The following RNF43 variants were observed in gnomAD, a reference collection of about 807,000 sequenced individuals.
RNF43 encodes the protein ring finger protein 43, also known as E3 ubiquitin-protein ligase RNF43.
In RNF43, 37 loss-of-function variants were observed where a neutral mutation model predicts 78.4. The ratio of observed to expected loss-of-function variants is 0.47; its 90% CI spans 0.36 to 0.62. The LOEUF is 0.62. Ranked by LOEUF, RNF43 falls within the 20% of genes least tolerant of loss-of-function variation. The pLI is 0.00. For synonymous variants in RNF43, 347 were observed against 395.0 expected (o/e 0.88, Z 1.44); for missense variants, 774 against 1,007.9 (o/e 0.77, Z 3.14).
chr17:58,366,448 G>C (rs114830558), intron 3 of RNF43, among the ~76,000 whole-genome samples: 1 of 152,248 alleles, frequency 6.6e-6, no homozygotes, highest in Admixed American at 6.5e-5. Context: ...CATGCCCCCA[G>C]GGAGGGATTT....
At position 58,407,069 on chromosome 17, in the gene RNF43, A is replaced by ATTT. The variant is rs35270032; in HGVS notation, c.252+8254_252+8256dup. Among the ~76,000 whole-genome samples the ATTT allele has an allele frequency of 4.3e-3, 317 of 74,192 alleles. 30 individuals are homozygous for ATTT. The highest frequency in any genetic ancestry group is 0.011 in the Middle Eastern group (1 of 94). 48.7% of individuals were successfully genotyped at this position (74,192 alleles called of 152,430 possible). On this transcript the variant is annotated intron_variant, in intron 2 of 9. Transcript: ENST00000407977. ...CTCTGCTTTAGATTCAGAGACCAGA[A>ATTT]TTTTTTTTTTTTTTTTTTTTTTTTT... is the stretch of plus-strand genomic sequence containing the variant.
At position 58,358,053 on chromosome 17, in the gene RNF43, C is replaced by A. The variant is rs2143402227; in HGVS notation, c.1723G>T (p.Val575Phe). ...GGAATAGGAGGCCTGGACTGGGGGA[C>A]TCCGGTTTCTGGGCCAGGCTTCCTG... ...HGRKPGPETG[V>F]PQSRPPIPRT... Residue 575 changes from valine to phenylalanine, a missense_variant, in exon 9 of 10, where the codon GTC becomes TTC. By Grantham distance (50) the Val-to-Phe change is conservative. Coordinates refer to ENST00000407977, the MANE Select transcript of RNF43 (RefSeq NM_017763.6). This position sits in a 1 kb window ranked among gnomAD's most constrained non-coding sequence, Gnocchi z 6.2. 6.3e-7 allele frequency: 1 copy of A among 1,589,820 alleles called. No homozygotes were observed. The highest frequency in any genetic ancestry group is 8.6e-7 in the Non-Finnish European group (1 of 1,168,358).
intron 1 of RNF43, chr17:58,416,400 ATAAT>A (rs1162339739): frequency 6.6e-6 from 1 of 152,220 alleles, no homozygotes; most frequent in Admixed American, 6.5e-5. Flanking sequence ...TCCAACTTTC[ATAAT>A]TAGAGTATTT....
intron 2 of RNF43, among the ~76,000 whole-genome samples, chr17:58,383,673 A>G (rs559450115): frequency 6.6e-6 from 1 of 151,992 alleles, no homozygotes; most frequent in East Asian, 1.9e-4. Context: ...GCTGGAGTGC[A>G]ATGGCGTGAT....
At chr17:58,410,884 T>C (rs1475051770) in intron 2 of RNF43, among the ~76,000 whole-genome samples, 1 of 152,188 alleles carries the variant, frequency 6.6e-6, no homozygotes, top group Non-Finnish European at 1.5e-5. Context: ...CTTTCTACTC[T>C]GGAAATAAAT....
At chr17:58,370,072 T>TTTTG (rs1555633951) in intron 3 of RNF43, among the ~76,000 whole-genome samples, 27 of 100,514 alleles carry the variant, frequency 2.7e-4, no homozygotes, top group Admixed American at 6.7e-4. Flanking sequence ...TTTTTTTTTT[T>TTTTG]TTTTTTTTTT....
At chr17:58,378,360 C>A (rs2143549877) in intron 2 of RNF43, among the ~76,000 whole-genome samples, 1 of 152,096 alleles carries the variant, frequency 6.6e-6, no homozygotes, top group Admixed American at 6.5e-5. Flanking sequence ...TGGGCTCAAG[C>A]AATCCTCCTG....
rs2143382633 is a variant in RNF43, at chr17:58,357,449, C to A, written c.2308+19G>T. On this transcript the variant is annotated intron_variant, in intron 9 of 9. Coordinates refer to ENST00000407977, the MANE Select transcript of RNF43 (RefSeq NM_017763.6). This position sits in a 1 kb window ranked among gnomAD's most constrained non-coding sequence, Gnocchi z 4.5. ...TAGTCTCCTCTCCCTACCACACCCA[C>A]TTCCCTCTGAAAACTCACCAGGCTG... 1.9e-6 allele frequency: 3 copies of A among 1,614,256 alleles called. No individual in the cohort carries two copies. Among genetic ancestry groups the A allele is most frequent in the Non-Finnish European group, 2.5e-6 (3 of 1,180,042 alleles).
Position 58,354,826 on chromosome 17 carries a change from C to G in RNF43, c.*117G>C. ...CCTCTTCCAGTGCTTCTAGGAAGTA[C>G]GGCAAAAAGAATGGTGTTTGCTGTG... On this transcript the variant is annotated 3_prime_UTR_variant, in exon 10 of 10. Transcript: ENST00000407977. The G allele has an allele frequency of 1.1e-6, 1 of 940,662 alleles. No individual in the cohort carries two copies. Among genetic ancestry groups the G allele is most frequent in the South Asian group, 1.4e-5 (1 of 73,980 alleles). The allele number at this position is 940,662 out of a possible 1,614,324, so 58.3% of individuals were successfully genotyped here. A position where few individuals can be genotyped will look rare whatever the true frequency, so the allele number is the denominator to read the frequency against.
Position 58,357,984 on chromosome 17 carries a change from C to T in RNF43, c.1792G>A (p.Val598Ile). 2 of 1,608,324 alleles carry T rather than the reference C, an allele frequency of 1.2e-6. No individual in the cohort carries two copies. Among genetic ancestry groups the T allele is most frequent in the Non-Finnish European group, 1.7e-6 (2 of 1,177,482 alleles). ...QPEPPSPDQQ[V>I]TRSNSAAPSG... The stretch of plus-strand genomic sequence containing the variant: ...GGGGCTGCTGAGTTGGATCTGGTGA[C>T]TTGCTGATCAGGAGAAGGTGGCTCT... The change falls in exon 9 of 10, where the codon GTC becomes ATC. Residue 598 changes from valine to isoleucine, a missense_variant. Transcript: ENST00000407977. This position sits in a 1 kb window ranked among gnomAD's most constrained non-coding sequence, Gnocchi z 4.5.
chr17:58,411,060 G>C (rs1473373916), intron 2 of RNF43, among the ~76,000 whole-genome samples: 2 of 151,954 alleles, frequency 1.3e-5, no homozygotes, highest in Non-Finnish European at 2.9e-5. Context: ...TTAATCCTCA[G>C]TTTCCTTATC....
At chr17:58,376,825 T>C (rs893526259) in intron 2 of RNF43, among the ~76,000 whole-genome samples, 1 of 152,060 alleles carries the variant, frequency 6.6e-6, no homozygotes, top group Non-Finnish European at 1.5e-5. Context: ...CTTGGTGAAT[T>C]TGACTTCCTC....
Position 58,358,220 on chromosome 17 carries a change from C to T in RNF43, c.1556G>A (p.Arg519Gln), listed in dbSNP as rs200166143. 2.2e-4 allele frequency: 356 copies of T among 1,613,502 alleles called. 1 individual carries two copies. The East Asian group carries it at 7.2e-3, about 32-fold the overall frequency. The change falls in exon 9 of 10, where the codon CGA (arginine) becomes CAA (glutamine). Residue 519 changes from arginine to glutamine, a missense_variant. Coordinates refer to ENST00000407977, the MANE Select transcript of RNF43 (RefSeq NM_017763.6). The surrounding 1 kb of genome is among the most constrained non-coding windows in gnomAD (Gnocchi z 6.2). The part of the protein sequence containing the change: ...VYCSPKGDPQ[R>Q]VDMQPSVTSR... ...GGTCACACTAGGCTGCATGTCCACT[C>T]GCTGGGGATCCCCTTTAGGGCTGCA...
At chr17:58,374,913 C>G (rs1029710515) in intron 2 of RNF43, among the ~76,000 whole-genome samples, 1 of 152,144 alleles carries the variant, frequency 6.6e-6, no homozygotes, top group African/African-American at 2.4e-5. Context: ...AACTGCTCCT[C>G]CAGTGTTTGC....
Position 58,358,013 on chromosome 17 carries a change from T to TG in RNF43, c.1762dup (p.Gln588ProfsTer8), listed in dbSNP as rs1972732365. The TG allele has an allele frequency of 6.3e-7, 1 of 1,597,134 alleles. No homozygotes were observed. Among genetic ancestry groups the TG allele is most frequent in the South Asian group, 1.1e-5 (1 of 88,416 alleles). ...CTGATCAGGAGAAGGTGGCTCTGGCTGGGGCTGTGTCCGAGGAATAGGAGG... is the reference window on the plus strand; with the variant it reads ...CTGATCAGGAGAAGGTGGCTCTGGCTGGGGGCTGTGTCCGAGGAATAGGAGG... On this transcript the variant is annotated frameshift_variant, in exon 9 of 10. Transcript: ENST00000407977. LOFTEE classifies it high-confidence loss of function. The surrounding 1 kb of genome is among the most constrained non-coding windows in gnomAD (Gnocchi z 6.2).
chr17:58,367,099 C>A (rs1187960323), intron 3 of RNF43, among the ~76,000 whole-genome samples: 1 of 150,136 alleles, frequency 6.7e-6, no homozygotes, highest in African/African-American at 2.5e-5. Flanking sequence ...CTCCTGGGTT[C>A]AAGCGATTCT....
At chr17:58,370,815 C>G (rs926505339) in intron 3 of RNF43, 96 bp downstream of exon 3, 1 of 1,352,126 alleles carries the variant, frequency 7.4e-7, no homozygotes, top group Non-Finnish European at 9.8e-7. Context: ...AGGTACATCA[C>G]TCTTAGGAAA....
intron 2 of RNF43, among the ~76,000 whole-genome samples, chr17:58,389,958 T>C (rs1973516433): frequency 6.6e-6 from 1 of 152,212 alleles, no homozygotes; most frequent in Admixed American, 6.5e-5. Context: ...GCTTTTTCCA[T>C]GGAAGAAAGT....
intron 3 of RNF43, among the ~76,000 whole-genome samples, chr17:58,370,059 A>ATTTT (rs1973047299): frequency 1.2e-4 from 10 of 82,884 alleles, no homozygotes; most frequent in Admixed American, 4.9e-4. Context: ...TGAAAATCTG[A>ATTTT]GTTTTTTTTT....
Sources: allele counts gnomAD v4.1 joint callset (sites outside exome capture counted in the v4.1 genomes callset), GRCh38; gene constraint gnomAD v4.1.1; non-coding constraint Gnocchi (gnomAD v3.1); transcripts MANE v1.5; gene names NCBI Gene and HGNC (gene_info 2026-07-23, HGNC 2026-07-21).